Variants in DHRS12 observed in about 807,000 individuals in gnomAD.
The protein encoded by DHRS12 is dehydrogenase/reductase 12.
A neutral mutation model predicts 32.1 loss-of-function variants in DHRS12; 29 were observed. That is an observed-to-expected ratio of 0.90 (90% CI 0.67 to 1.23). The LOEUF (loss-of-function observed/expected upper bound fraction) is 1.23. DHRS12 is among the 50% of genes most tolerant of loss of function. DHRS12 has a pLI of 0.00. For synonymous variants in DHRS12, 150 were observed against 135.9 expected (o/e 1.10, Z -0.72); for missense variants, 330 against 337.2 (o/e 0.98, Z 0.17).
rs1011893154 is a variant in DHRS12 at position 51,768,157 on chromosome 13, A to C, written c.*30T>G. ...GCACCTTCTGGTATCTTCTAAGGCA[A>C]TTCTGGTACCGCACTGTGTCTGGGT... On this transcript the variant is annotated 3_prime_UTR_variant, in exon 9 of 9. Transcript: ENST00000444610. The C allele has an allele frequency of 1.3e-6, 2 of 1,535,882 alleles. No individual in the cohort carries two copies. Among genetic ancestry groups the C allele is most frequent in the Admixed American group, 2.0e-5 (1 of 50,976 alleles).
chr13:51,757,950 C>T, the DHRS12 span, among the ~76,000 whole-genome samples: 3 of 151,932 alleles, frequency 2.0e-5, no homozygotes, highest in Admixed American at 2.0e-4. Context: ...ATTGGAGCAA[C>T]ATTCTCCAGA....
Position 51,768,264 on chromosome 13 carries a change from CG to C in DHRS12, c.729del (p.Ala244LeufsTer51). On this transcript the variant is annotated frameshift_variant, in exon 9 of 9. Coordinates refer to ENST00000444610, the MANE Select transcript of DHRS12 (RefSeq NM_001377533.1). LOFTEE classifies it low-confidence loss of function (END_TRUNC). ...DRKPVSTHLPLATASSSPAEE... is the reference protein window; with the variant it reads ...DRKPVSTHLPXATASSSPAEE... ...TCGGCCGGTGAGGAGGACGCTGTAG[CG>C]AGAGGCAAGTGTGTAGAAACTGGCT... 1 of 1,536,018 alleles carries C rather than the reference CG, an allele frequency of 6.5e-7. No individual in the cohort carries two copies. The highest frequency in any genetic ancestry group is 8.7e-7 in the Non-Finnish European group (1 of 1,146,906).
chr13:51,763,628 T>A (rs1170954270), downstream of DHRS12: 1 of 152,098 alleles, frequency 6.6e-6, no homozygotes, highest in African/African-American at 2.4e-5. Context: ...CAAGATCCTG[T>A]CACTACCAAA....
the DHRS12 span, chr13:51,756,644 G>A: frequency 2.0e-6 from 2 of 985,332 alleles, no homozygotes; most frequent in Non-Finnish European, 2.4e-6. Flanking sequence ...TGTGAGATGA[G>A]AGAAGAGAAA....
intron 4 of DHRS12, among the ~76,000 whole-genome samples, chr13:51,786,457 C>T (rs908918386): frequency 6.6e-6 from 1 of 152,112 alleles, no homozygotes; most frequent in Admixed American, 6.5e-5. Context: ...CTGGAGGAGA[C>T]CTGAAACAAA....
chr13:51,773,969 T>C lies in DHRS12; in HGVS notation c.429A>G (p.Arg143=). 1.2e-6 allele frequency: 2 copies of C among 1,614,106 alleles called. No homozygotes were observed. The highest frequency in any genetic ancestry group is 1.7e-6 in the Non-Finnish European group (2 of 1,179,964). ...KLNTNDLQSE[R]TPFDGTMVYA... ...AGACCATAGTTCCATCAAATGGTGTTCTTTCGGACTGGAGATCATTGGTGT... is the reference window on the plus strand; with the variant it reads ...AGACCATAGTTCCATCAAATGGTGTCCTTTCGGACTGGAGATCATTGGTGT... The change falls in exon 6 of 9, where the codon AGA becomes AGG. Residue 143 remains arginine (R), a synonymous_variant. Transcript: ENST00000444610.
intron 4 of DHRS12, among the ~76,000 whole-genome samples, chr13:51,787,986 G>A (rs553211027): frequency 3.0e-4 from 43 of 144,938 alleles, no homozygotes; most frequent in Admixed American, 1.2e-3. Flanking sequence ...CTCGTGGCCC[G>A]GCCGCAGCGA....
chr13:51,797,657 C>A (rs1955567685), intron 2 of DHRS12, among the ~76,000 whole-genome samples: 1 of 152,184 alleles, frequency 6.6e-6, no homozygotes, highest in Non-Finnish European at 1.5e-5. Flanking sequence ...CTTGTCAAAC[C>A]TAGCCATTCA....
rs368616662 is a variant in DHRS12, at chr13:51,799,515, C to T, written c.126+19G>A. The T allele has an allele frequency of 1.2e-4, 196 of 1,612,090 alleles. No homozygotes were observed. Among genetic ancestry groups the T allele is most frequent in the Admixed American group, 1.5e-4 (9 of 59,960 alleles). The stretch of plus-strand genomic sequence containing the variant: ...CTGGCCGTGGGGCTCAGTGGACACA[C>T]GTGTTAGCAGCTGCTTACCTCGCTT... On this transcript the variant is annotated intron_variant, in intron 2 of 8. Transcript: ENST00000444610.
the DHRS12 span, chr13:51,759,980 G>A: frequency 2.0e-6 from 1 of 503,362 alleles, no homozygotes; most frequent in Non-Finnish European, 3.6e-6. Flanking sequence ...CAATATAAAA[G>A]AAGCTATTTT....
intron 4 of DHRS12, among the ~76,000 whole-genome samples, chr13:51,781,212 G>C (rs1954688222): frequency 1.3e-5 from 2 of 152,228 alleles, no homozygotes; most frequent in East Asian, 1.9e-4. Flanking sequence ...CAGCAGGACA[G>C]AGTCCCAGAG....
Position 51,768,103 on chromosome 13 carries a change from G to C in DHRS12, c.*84C>G, listed in dbSNP as rs1953832362. 3.3e-6 allele frequency: 5 copies of C among 1,508,618 alleles called. No homozygotes were observed. Among genetic ancestry groups the C allele is most frequent in the Admixed American group, 4.2e-5 (2 of 47,386 alleles). 93.5% of individuals were successfully genotyped at this position (1,508,618 alleles called of 1,614,324 possible). A position where few individuals can be genotyped will look rare whatever the true frequency, so the allele number is the denominator to read the frequency against. ...ACGTCTTCGAGGGGAAGTTGAAGTG[G>C]GGTCTTCTTATTCACTGGTCCCTAG... On this transcript the variant is annotated 3_prime_UTR_variant, in exon 9 of 9. Transcript: ENST00000444610.
chr13:51,777,245 G>T, intron 4 of DHRS12, 124 bp from the exon 5 acceptor site: 1 of 969,568 alleles, frequency 1.0e-6, no homozygotes, highest in Non-Finnish European at 1.6e-6. Context: ...GTGGCCACCT[G>T]AGGGGCAGTC....
chr13:51,787,149 A>T (rs747308347), intron 4 of DHRS12, among the ~76,000 whole-genome samples: 2 of 152,222 alleles, frequency 1.3e-5, no homozygotes, highest in Non-Finnish European at 2.9e-5. Flanking sequence ...CGCTTCTCAG[A>T]GAGGTTGGAA....
the DHRS12 span, among the ~76,000 whole-genome samples, chr13:51,758,935 G>GC: frequency 1.3e-5 from 2 of 152,146 alleles, no homozygotes; most frequent in Non-Finnish European, 2.9e-5. Flanking sequence ...TATAATCCCA[G>GC]CCCTTTGGGA....
chr13:51,790,011 C>T lies in DHRS12; in HGVS notation c.301G>A (p.Gly101Ser). Residue 101 changes from glycine (G) to serine (S), a missense_variant and splice_region_variant, in exon 4 of 9, where the codon GGT becomes AGT. Gly to Ser is a moderately conservative substitution (Grantham distance 56). Transcript: ENST00000444610. The stretch of plus-strand genomic sequence containing the variant: ...AAATAAGAAAACTTCTTGTACTTAC[C>T]CAGAGTATTGGCAGCAAAGTTTTTT... ...LEKNFAANTLGVYILTTGLIP... is the reference protein window; with the variant it reads ...LEKNFAANTLSVYILTTGLIP... The T allele has an allele frequency of 1.3e-6, 2 of 1,597,506 alleles. No individual in the cohort carries two copies. Among genetic ancestry groups the T allele is most frequent in the African/African-American group, 1.4e-5 (1 of 73,638 alleles).
chr13:51,771,514 T>A (rs1300314994), intron 7 of DHRS12: 2 of 1,613,598 alleles, frequency 1.2e-6, no homozygotes, highest in Non-Finnish European at 1.7e-6. Context: ...GAAATGACAA[T>A]GGTCACCGGC....
At chr13:51,759,787 A>C in the DHRS12 span, 1 of 1,613,420 alleles carries the variant, frequency 6.2e-7, no homozygotes, top group Non-Finnish European at 8.5e-7. Context: ...CCCAGGAATC[A>C]GAAAGATAGT....
At chr13:51,758,416 T>A in the DHRS12 span, 1 of 646,992 alleles carries the variant, frequency 1.5e-6, no homozygotes, top group Non-Finnish European at 2.5e-6. Flanking sequence ...CCGGCCATGG[T>A]GGCATGTGTC....
Sources: allele counts gnomAD v4.1 joint callset (sites outside exome capture counted in the v4.1 genomes callset), GRCh38; gene constraint gnomAD v4.1.1; transcripts MANE v1.5; gene names NCBI Gene and HGNC (gene_info 2026-07-23, HGNC 2026-07-21).